NAALADL2: variants seen among roughly 807,000 people sequenced by gnomAD.
NAALADL2 encodes the protein N-acetylated alpha-linked acidic dipeptidase like 2, also known as inactive N-acetylated-alpha-linked acidic dipeptidase-like protein 2.
Under a neutral mutation model 87.2 loss-of-function variants are expected in NAALADL2, and 76 were observed. The observed-to-expected ratio is 0.87, with a 90% confidence interval of 0.72 to 1.05. The LOEUF is 1.05. Among genes scored for constraint, NAALADL2 ranks in the 50% least tolerant of loss-of-function variants. NAALADL2 has a pLI of 0.00. For synonymous variants in NAALADL2, 354 were observed against 331.0 expected (o/e 1.07, Z -0.75); for missense variants, 1,089 against 945.8 (o/e 1.15, Z -1.99).
chr3:175,059,831 G>A (rs1713054048), intron 1 of NAALADL2: 2 of 311,192 alleles, frequency 6.4e-6, no homozygotes, highest in South Asian at 6.8e-5. Context: ...TGGAAGGCTG[G>A]CCTTTTCTTT....
intron 5 of NAALADL2, among the ~76,000 whole-genome samples, chr3:175,434,746 C>T (rs370207512): frequency 6.6e-6 from 1 of 151,752 alleles, no homozygotes; most frequent in African/African-American, 2.4e-5. Flanking sequence ...ATGTTTATAC[C>T]CTTCAAGTAA....
chr3:174,508,608 C>T (rs1719377476), intron 1 of NAALADL2, among the ~76,000 whole-genome samples: 1 of 152,088 alleles, frequency 6.6e-6, no homozygotes, highest in South Asian at 2.1e-4. Context: ...AACTGAAAGA[C>T]TCAGTTGTTG....
intron 1 of NAALADL2, among the ~76,000 whole-genome samples, chr3:174,987,769 G>C (rs891636054): frequency 7.3e-6 from 1 of 137,378 alleles, no homozygotes; most frequent in Non-Finnish European, 1.5e-5. Context: ...TAGGACCCCA[G>C]GCATGCACTA....
At chr3:175,100,658 C>A (rs577966011) in intron 2 of NAALADL2, among the ~76,000 whole-genome samples, 1 of 151,634 alleles carries the variant, frequency 6.6e-6, no homozygotes, top group South Asian at 2.1e-4. Context: ...GCCAACATGG[C>A]GAAACTCCGT....
At chr3:175,463,325 A>G in intron 6 of NAALADL2, 76 bp from the exon 7 acceptor site, 1 of 915,378 alleles carries the variant, frequency 1.1e-6, no homozygotes, top group Non-Finnish European at 1.6e-6. Context: ...ATGATATTGG[A>G]TAAAATAAAT....
intron 11 of NAALADL2, among the ~76,000 whole-genome samples, chr3:175,633,276 T>C (rs1049849494): frequency 6.6e-6 from 1 of 152,124 alleles, no homozygotes; most frequent in East Asian, 1.9e-4. Context: ...ACTTGGCTTG[T>C]TCCTCATTAC....
At chr3:175,133,611 A>C (rs1323398298) in intron 2 of NAALADL2, among the ~76,000 whole-genome samples, 2 of 152,174 alleles carry the variant, frequency 1.3e-5, no homozygotes, top group African/African-American at 4.8e-5. Flanking sequence ...AATCGCAGGC[A>C]CTCGGCAGGC....
chr3:174,496,509 ATTATAT>A (rs1718548359), intron 1 of NAALADL2, among the ~76,000 whole-genome samples: 1 of 77,776 alleles, frequency 1.3e-5, no homozygotes, highest in East Asian at 9.0e-4. Context: ...ATATTTATAT[ATTATAT>A]ATATATATAT....
At chr3:175,295,956 A>T (rs1756307067) in intron 4 of NAALADL2, among the ~76,000 whole-genome samples, 1 of 151,650 alleles carries the variant, frequency 6.6e-6, no homozygotes, top group Non-Finnish European at 1.5e-5. Flanking sequence ...GTGTTTGCTG[A>T]TGTTGTATCT....
chr3:175,280,736 C>G (rs2110078455), intron 4 of NAALADL2, among the ~76,000 whole-genome samples: 1 of 152,058 alleles, frequency 6.6e-6, no homozygotes, highest in East Asian at 1.9e-4. Context: ...ATAATCAAAG[C>G]TTAGCAAAGT....
At chr3:175,588,338 A>G (rs972205170) in intron 10 of NAALADL2, among the ~76,000 whole-genome samples, 2 of 152,034 alleles carry the variant, frequency 1.3e-5, no homozygotes, top group Non-Finnish European at 2.9e-5. Context: ...TGTGACCAGA[A>G]CCTGTGAGGT....
intron 2 of NAALADL2, among the ~76,000 whole-genome samples, chr3:175,106,118 A>G (rs373874386): frequency 7.9e-5 from 12 of 152,032 alleles, no homozygotes; most frequent in East Asian, 3.9e-4. Flanking sequence ...CACACAAATT[A>G]TTTTATCCAT....
intron 11 of NAALADL2, among the ~76,000 whole-genome samples, chr3:175,697,393 G>GCACACA (rs1249196090): frequency 1.7e-4 from 18 of 108,854 alleles, no homozygotes; most frequent in African/African-American, 7.6e-4. Context: ...TGCTAAAGCT[G>GCACACA]CACACAGACA....
chr3:175,487,647 CT>C (rs1727490683), intron 9 of NAALADL2: 1 of 393,840 alleles, frequency 2.5e-6, no homozygotes, highest in African/African-American at 2.1e-5. Context: ...TATTTTGCCC[CT>C]TTCTGGAGTC....
At chr3:174,528,958 C>G (rs1218457143) in intron 1 of NAALADL2, among the ~76,000 whole-genome samples, 1 of 152,078 alleles carries the variant, frequency 6.6e-6, no homozygotes, top group Admixed American at 6.5e-5. Context: ...CCCCTGGCCC[C>G]TCACAAATCT....
chr3:175,476,750 C>T (rs1159514684), intron 9 of NAALADL2, among the ~76,000 whole-genome samples: 1 of 152,102 alleles, frequency 6.6e-6, no homozygotes, highest in Admixed American at 6.6e-5. Flanking sequence ...CTAACAGCCA[C>T]TGTATTGTTT....
rs1166712789 is a variant in NAALADL2 at position 175,809,580 on chromosome 3, T to G, written c.*6377T>G. On this transcript the variant is annotated 3_prime_UTR_variant, in exon 14 of 14. Coordinates refer to ENST00000454872, the MANE Select transcript of NAALADL2 (RefSeq NM_207015.3). ...CTAGGCATGTTGGTGTGCACCTTTGTAGTCCAGCTACTAGGGAGGCTGAGG... is the reference window on the plus strand; with the variant it reads ...CTAGGCATGTTGGTGTGCACCTTTGGAGTCCAGCTACTAGGGAGGCTGAGG... 1.3e-5 allele frequency: 2 copies of G among 148,338 alleles called. No individual in the cohort carries two copies. The highest frequency in any genetic ancestry group is 2.5e-5 in the African/African-American group (1 of 40,264). 9.2% of individuals were successfully genotyped at this position (148,338 alleles called of 1,614,324 possible).
At chr3:175,487,217 C>T (rs896875749) in intron 9 of NAALADL2, among the ~76,000 whole-genome samples, 12 of 152,152 alleles carry the variant, frequency 7.9e-5, no homozygotes, top group African/African-American at 2.7e-4. Flanking sequence ...CATCTACCTT[C>T]TGTAATTTGC....
chr3:175,082,714 T>G (rs930106616), intron 1 of NAALADL2, among the ~76,000 whole-genome samples: 2 of 152,226 alleles, frequency 1.3e-5, no homozygotes, highest in Non-Finnish European at 2.9e-5. Flanking sequence ...TGTTCATGCT[T>G]TAGGAGCTAT....
Sources: gnomAD v4.1 joint callset for allele counts (sites outside exome capture counted in the v4.1 genomes callset) on GRCh38, gnomAD v4.1.1 for gene constraint, MANE v1.5 for transcripts, NCBI Gene and HGNC (gene_info 2026-07-23, HGNC 2026-07-21) for gene names.